The following SVIL variants were observed in gnomAD, a reference collection of about 807,000 sequenced individuals.
SVIL encodes archvillin.
A neutral mutation model predicts 240.4 loss-of-function variants in SVIL; 101 were observed. That is an observed-to-expected ratio of 0.42 (90% CI 0.36 to 0.50). SVIL has a LOEUF of 0.50. Among genes scored for constraint, SVIL ranks in the 20% least tolerant of loss-of-function variants. The pLI, the probability that SVIL is intolerant of heterozygous loss-of-function variation, is 0.01. For missense variants in SVIL, 2,512 were observed against 2,818.7 expected (o/e 0.89, Z 2.46); for synonymous variants, 999 against 1,100.0 (o/e 0.91, Z 1.82).
intron 3 of SVIL, among the ~76,000 whole-genome samples, chr10:29,562,783 A>G (rs867624801): frequency 0.015 from 2,197 of 149,232 alleles, 79 homozygotes; most frequent in African/African-American, 0.05. Flanking sequence ...AAAAAAAAAA[A>G]AAAAAAAAAA....
intron 6 of SVIL, among the ~76,000 whole-genome samples, chr10:29,547,671 C>T (rs943998367): frequency 1.3e-5 from 2 of 152,036 alleles, no homozygotes; most frequent in Admixed American, 6.6e-5. Context: ...CCTGTCTTTA[C>T]TTGGGATGCT....
intron 1 of SVIL, among the ~76,000 whole-genome samples, chr10:29,726,244 A>G (rs530373035): frequency 6.6e-6 from 1 of 152,234 alleles, no homozygotes; most frequent in South Asian, 2.1e-4. Context: ...TTTTATATCA[A>G]ATGGCTCTCC....
intron 3 of SVIL, among the ~76,000 whole-genome samples, chr10:29,643,031 AG>A (rs1242419199): frequency 2.5e-4 from 38 of 152,172 alleles, no homozygotes; most frequent in Admixed American, 2.4e-3. Flanking sequence ...CCCTTTTGTC[AG>A]GGTGGATTAA....
In SVIL at chr10:29,522,580, A is replaced by C; in HGVS notation, c.3219T>G (p.Thr1073=). 1.2e-6 allele frequency: 2 copies of C among 1,614,152 alleles called. No homozygotes were observed. Among genetic ancestry groups the C allele is most frequent in the Non-Finnish European group, 1.7e-6 (2 of 1,180,032 alleles). ...ACACGGGGGCTGTGGTTTGAGCAATAGTTTTCCCAGCAGCTGTCCCCGTCT... is the reference window on the plus strand; with the variant it reads ...ACACGGGGGCTGTGGTTTGAGCAATCGTTTTCCCAGCAGCTGTCCCCGTCT... ...SEQTGTAAGK[T]IAQTTAPVSW... Residue 1073 remains threonine (T), a synonymous_variant, in exon 16 of 38, where the codon ACT becomes ACG. Coordinates refer to ENST00000355867, the MANE Select transcript of SVIL (RefSeq NM_021738.3).
upstream of SVIL, among the ~76,000 whole-genome samples, chr10:29,736,117 C>T (rs949631658): frequency 6.6e-6 from 1 of 152,076 alleles, no homozygotes; most frequent in African/African-American, 2.4e-5. Context: ...GCGCGGGGAC[C>T]ACGCTGGGAC....
In SVIL at chr10:29,533,219, T is replaced by G; in HGVS notation, c.1148A>C (p.Glu383Ala). 6.2e-7 allele frequency: 1 copy of G among 1,614,156 alleles called. No homozygotes were observed. The highest frequency in any genetic ancestry group is 1.1e-5 in the South Asian group (1 of 91,074). The change falls in exon 8 of 38, where the codon GAA (glutamate) becomes GCA (alanine). Residue 383 changes from glutamate to alanine, a missense_variant. By Grantham distance (107) the Glu-to-Ala change is moderately radical. This residue lies in a region of SVIL where 1,443 missense variants were observed against 1,486.6 expected (regional missense o/e 0.97). Coordinates refer to ENST00000355867, the MANE Select transcript of SVIL (RefSeq NM_021738.3). ...TGHTAKLVTP[E>A]TPENASECSW... Reference sequence around the variant, plus strand: ...ACACTCAGATGCATTTTCTGGGGTTTCTGGCGTCACTAGCTTGGCGGTGTG... The same window carrying G: ...ACACTCAGATGCATTTTCTGGGGTTGCTGGCGTCACTAGCTTGGCGGTGTG...
At chr10:29,660,952 AG>A (rs1959141955) in intron 2 of SVIL, among the ~76,000 whole-genome samples, 3 of 152,120 alleles carry the variant, frequency 2.0e-5, no homozygotes, top group Admixed American at 6.5e-5. Flanking sequence ...GAGGATCATG[AG>A]GTCAAGAGAT....
Position 29,526,963 on chromosome 10 carries a change from G to C in SVIL, c.2340C>G (p.Ala780=). The change falls in exon 13 of 38, where the codon GCC becomes GCG. Residue 780 remains alanine (A), a splice_region_variant and synonymous_variant. Coordinates refer to ENST00000355867, the MANE Select transcript of SVIL (RefSeq NM_021738.3). The part of the protein sequence containing the change: ...PTVARSAVQP[A]RLQASAHQKA... ...ATGCATCTGTATCTGTCCAGTACCT[G>C]GCAGGCTGCACAGCGCTCCTAGCTA... is the stretch of plus-strand genomic sequence containing the variant. The C allele has an allele frequency of 6.3e-7, 1 of 1,597,408 alleles. No individual in the cohort carries two copies. Among genetic ancestry groups the C allele is most frequent in the Non-Finnish European group, 8.5e-7 (1 of 1,174,070 alleles).
At chr10:29,480,920 T>G in intron 28 of SVIL, 107 bp from the exon 29 acceptor site, 2 of 1,288,916 alleles carry the variant, frequency 1.6e-6, no homozygotes, top group Non-Finnish European at 2.2e-6. Context: ...AAAATACAGC[T>G]TCCACACTCT....
At chr10:29,517,641 G>T (rs1950304346) in intron 16 of SVIL, among the ~76,000 whole-genome samples, 1 of 152,154 alleles carries the variant, frequency 6.6e-6, no homozygotes, top group Non-Finnish European at 1.5e-5. Flanking sequence ...CCGGCAGGCG[G>T]GAAACACAGG....
chr10:29,708,333 G>T (rs1229759546), intron 1 of SVIL, among the ~76,000 whole-genome samples: 1 of 142,792 alleles, frequency 7.0e-6, no homozygotes, highest in African/African-American at 2.6e-5. Context: ...GAAAACAAAA[G>T]ATTTTGGCCA....
chr10:29,681,845 A>G (rs1381126420), intron 2 of SVIL, among the ~76,000 whole-genome samples: 1 of 152,142 alleles, frequency 6.6e-6, no homozygotes, highest in Non-Finnish European at 1.5e-5. Flanking sequence ...TGTTTATTTC[A>G]ACAGATGCAG....
Position 29,564,032 on chromosome 10 carries a change from C to T in SVIL, c.-142-740G>A, listed in dbSNP as rs146791115. 1.2e-3 allele frequency among the ~76,000 whole-genome samples: 184 copies of T among 152,250 alleles called. 2 individuals are homozygous for T. The East Asian group carries it at 0.031, about 26-fold the overall frequency. The stretch of plus-strand genomic sequence containing the variant: ...ACTCAGCGAGGTGCTGATAAAGGTA[C>T]GAATGGCCCTGCCCTCTTGCCCCGC... On this transcript the variant is annotated intron_variant, in intron 2 of 37. Coordinates refer to ENST00000355867, the MANE Select transcript of SVIL (RefSeq NM_021738.3).
intron 17 of SVIL, among the ~76,000 whole-genome samples, chr10:29,512,066 C>T (rs543796631): frequency 3.9e-5 from 6 of 152,344 alleles, no homozygotes; most frequent in Non-Finnish European, 8.8e-5. Flanking sequence ...GTAGGGCCAG[C>T]CAGCAAGTAA....
intron 20 of SVIL, 144 bp from the exon 21 acceptor site, chr10:29,493,535 C>G (rs1243707465): frequency 1.2e-6 from 1 of 862,812 alleles, no homozygotes; most frequent in Non-Finnish European, 1.7e-6. Context: ...CCTGTGGTTG[C>G]TTCCCAGGCC....
chr10:29,470,160 G>C, intron 32 of SVIL, 116 bp downstream of exon 32: 1 of 1,190,770 alleles, frequency 8.4e-7, no homozygotes, highest in Non-Finnish European at 1.2e-6. Flanking sequence ...GCCATCCTTT[G>C]CTGCAGTCAC....
At chr10:29,555,655 C>T (rs1480448798) in intron 3 of SVIL, among the ~76,000 whole-genome samples, 3 of 152,134 alleles carry the variant, frequency 2.0e-5, no homozygotes, top group African/African-American at 7.2e-5. Context: ...CAAGGGAGAC[C>T]TGACGAGCAA....
chr10:29,695,263 T>C (rs1282901793), intron 1 of SVIL, among the ~76,000 whole-genome samples: 1 of 152,162 alleles, frequency 6.6e-6, no homozygotes, highest in African/African-American at 2.4e-5. Context: ...TGACTCACCT[T>C]GACGTCTCCT....
At chr10:29,490,586 A>C (rs1197065960) in intron 22 of SVIL, among the ~76,000 whole-genome samples, 2,097 of 35,096 alleles carry the variant, frequency 0.06, 55 homozygotes, top group African/African-American at 0.26. Flanking sequence ...CCCAGTCTTT[A>C]AAAAAAAAAA....
Sources: allele counts gnomAD v4.1 joint callset (sites outside exome capture counted in the v4.1 genomes callset), GRCh38; gene constraint gnomAD v4.1.1; regional missense constraint gnomAD v4.1.1; transcripts MANE v1.5; gene names NCBI Gene and HGNC (gene_info 2026-07-23, HGNC 2026-07-21).